SULF1: variants seen among roughly 807,000 people sequenced by gnomAD.
SULF1 encodes the protein sulfatase 1.
In SULF1, 46 loss-of-function variants were observed where a neutral mutation model predicts 110.5. The ratio of observed to expected loss-of-function variants is 0.42; its 90% CI spans 0.33 to 0.53. The LOEUF (loss-of-function observed/expected upper bound fraction) is 0.53. Among genes scored for constraint, SULF1 ranks in the 20% least tolerant of loss-of-function variants. SULF1 has a pLI of 0.12. For missense variants in SULF1, 941 were observed against 1,094.2 expected (o/e 0.86, Z 1.98); for synonymous variants, 371 against 387.1 (o/e 0.96, Z 0.49).
intron 13 of SULF1, among the ~76,000 whole-genome samples, chr8:69,618,746 A>C (rs1027910072): frequency 6.0e-4 from 92 of 152,188 alleles, no homozygotes; most frequent in Non-Finnish European, 1.6e-4. Context: ...AAATCATAGA[A>C]GAAGTCCTGT....
In SULF1 at chr8:69,517,411, A is replaced by G. The variant is rs1208738381; in HGVS notation, c.-134+15443A>G. Among the ~76,000 whole-genome samples, 3 of 152,352 alleles carry G rather than the reference A, an allele frequency of 2.0e-5. No homozygotes were observed. The South Asian group carries it at 6.2e-4, about 32-fold the overall frequency. On this transcript the variant is annotated intron_variant, in intron 3 of 22. Coordinates refer to ENST00000402687, the MANE Select transcript of SULF1 (RefSeq NM_001128205.2). ...CTTTCTCAGCTTTTGTAAGAAGAATAAAGAGTCCTTCTTTCCTTTTAAGCT... is the reference window on the plus strand; with the variant it reads ...CTTTCTCAGCTTTTGTAAGAAGAATGAAGAGTCCTTCTTTCCTTTTAAGCT...
chr8:69,587,953 A>G (rs1217780531), intron 7 of SULF1, among the ~76,000 whole-genome samples: 16 of 152,194 alleles, frequency 1.1e-4, no homozygotes, highest in Admixed American at 1.0e-3. Flanking sequence ...TAGCCTGTAG[A>G]CTTGCCCTAA....
At chr8:69,475,503 T>C (rs1295188560) in intron 1 of SULF1, among the ~76,000 whole-genome samples, 1 of 151,860 alleles carries the variant, frequency 6.6e-6, no homozygotes, top group Non-Finnish European at 1.5e-5. Context: ...TAAATAACAA[T>C]AATGCAACTT....
At chr8:69,598,413 A>G (rs1352755309) in intron 8 of SULF1, among the ~76,000 whole-genome samples, 2 of 151,988 alleles carry the variant, frequency 1.3e-5, no homozygotes, top group Non-Finnish European at 2.9e-5. Context: ...GTTTTTTGAG[A>G]TAGAGTCTCG....
chr8:69,576,494 C>A lies in SULF1; in HGVS notation c.412+285C>A, dbSNP rs552837908. Among the ~76,000 whole-genome samples the A allele has an allele frequency of 6.6e-5, 10 of 152,244 alleles. No homozygotes were observed. In the South Asian group the frequency reaches 2.1e-3, roughly 32 times the overall value. ...AATAGGATTTGGAAAGTTTCTTTAG[C>A]TTGTGGTTGTTTTTAGGTCTCAAAT... On this transcript the variant is annotated intron_variant, in intron 6 of 22. Coordinates refer to ENST00000402687, the MANE Select transcript of SULF1 (RefSeq NM_001128205.2).
At chr8:69,657,785 A>G (rs1050950521) in intron 22 of SULF1, among the ~76,000 whole-genome samples, 2 of 152,220 alleles carry the variant, frequency 1.3e-5, no homozygotes, top group Non-Finnish European at 2.9e-5. Context: ...AGGCACAACT[A>G]GAGAACAAGT....
At chr8:69,638,328 G>A in intron 19 of SULF1, 174 bp from the exon 20 acceptor site, 1 of 745,204 alleles carries the variant, frequency 1.3e-6, no homozygotes, top group Non-Finnish European at 2.1e-6. Context: ...TAGTTTCACA[G>A]CAAATTTACC....
intron 3 of SULF1, among the ~76,000 whole-genome samples, chr8:69,532,126 C>T (rs1162418570): frequency 2.0e-5 from 3 of 152,116 alleles, no homozygotes; most frequent in Non-Finnish European, 2.9e-5. Context: ...GAGAAACAAA[C>T]CTTCATGGCT....
intron 13 of SULF1, among the ~76,000 whole-genome samples, chr8:69,607,457 TGGGCTCA>T (rs1423031571): frequency 6.6e-6 from 1 of 152,184 alleles, no homozygotes; most frequent in Non-Finnish European, 1.5e-5. Flanking sequence ...CTCGCCCTCC[TGGGCTCA>T]GGTTATCCTC....
chr8:69,475,724 C>T (rs575482955), intron 1 of SULF1, among the ~76,000 whole-genome samples: 1 of 152,230 alleles, frequency 6.6e-6, no homozygotes, highest in East Asian at 1.9e-4. Context: ...ATAATGCAAA[C>T]ATATGTAAAT....
chr8:69,606,986 G>A (rs1383817213), intron 13 of SULF1, among the ~76,000 whole-genome samples: 1 of 152,256 alleles, frequency 6.6e-6, no homozygotes, highest in Non-Finnish European at 1.5e-5. Context: ...GTGAGCTTTA[G>A]AAGTGAAGAC....
intron 19 of SULF1, among the ~76,000 whole-genome samples, chr8:69,632,923 G>A (rs914427207): frequency 2.6e-5 from 4 of 151,906 alleles, no homozygotes; most frequent in African/African-American, 7.3e-5. Flanking sequence ...CTACTCGGGA[G>A]GCTGAGGTGG....
rs144404180 is a variant in SULF1, at chr8:69,596,226, G to A, written c.735-4377G>A. Among the ~76,000 whole-genome samples the A allele has an allele frequency of 6.4e-3, 971 of 152,298 alleles. 14 individuals are homozygous for A. Among genetic ancestry groups the A allele is most frequent in the African/African-American group, 0.022 (916 of 41,560 alleles). On this transcript the variant is annotated intron_variant, in intron 8 of 22. Coordinates refer to ENST00000402687, the MANE Select transcript of SULF1 (RefSeq NM_001128205.2). The stretch of plus-strand genomic sequence containing the variant: ...ATGTTTTCTTGGGGGTATAAGGTCT[G>A]GAGTGTGCAGTACTGGGTGAAGCCC...
chr8:69,579,074 T>G (rs1398263221), intron 6 of SULF1, among the ~76,000 whole-genome samples: 1 of 143,296 alleles, frequency 7.0e-6, no homozygotes, highest in Non-Finnish European at 1.5e-5. Context: ...GGCAGGAGAA[T>G]GGCGTGTACC....
At chr8:69,610,157 A>G (rs1808531442) in intron 13 of SULF1, among the ~76,000 whole-genome samples, 1 of 152,152 alleles carries the variant, frequency 6.6e-6, no homozygotes, top group Admixed American at 6.5e-5. Flanking sequence ...CTACTATTGG[A>G]TCAATATAAA....
At chr8:69,598,976 A>G (rs1807568774) in intron 8 of SULF1, among the ~76,000 whole-genome samples, 1 of 152,206 alleles carries the variant, frequency 6.6e-6, no homozygotes, top group Non-Finnish European at 1.5e-5. Context: ...TTCTACTATC[A>G]AAAGAGAGGT....
At position 69,627,378 on chromosome 8, in the gene SULF1, G is replaced by A. The variant is rs1223062789; in HGVS notation, c.1947+72G>A. On this transcript the variant is annotated intron_variant, in intron 16 of 22. Transcript: ENST00000402687. ...CGGCCTGCCAGCCCTGCTGTGTCTGGTGGGACATACCACAGATACACATCA... is the reference window on the plus strand; with the variant it reads ...CGGCCTGCCAGCCCTGCTGTGTCTGATGGGACATACCACAGATACACATCA... 4.5e-6 allele frequency: 5 copies of A among 1,104,418 alleles called. No individual in the cohort carries two copies. The African/African-American group carries it at 6.2e-5, about 14-fold the overall frequency. The allele number at this position is 1,104,418 out of a possible 1,614,324, so 68.4% of individuals were successfully genotyped here. A position where few individuals can be genotyped will look rare whatever the true frequency, so the allele number is the denominator to read the frequency against.
chr8:69,506,169 A>G (rs1249155258), intron 3 of SULF1, among the ~76,000 whole-genome samples: 1 of 152,102 alleles, frequency 6.6e-6, no homozygotes, highest in African/African-American at 2.4e-5. Context: ...ATTGTGTTCC[A>G]TTACATGGAT....
chr8:69,543,573 G>A (rs547639122), intron 3 of SULF1, among the ~76,000 whole-genome samples: 17 of 152,254 alleles, frequency 1.1e-4, no homozygotes, highest in East Asian at 1.9e-4. Context: ...TTATGGCTGC[G>A]TAGTATTCCA....
Sources: gnomAD v4.1 joint callset for allele counts (sites outside exome capture counted in the v4.1 genomes callset) on GRCh38, gnomAD v4.1.1 for gene constraint, MANE v1.5 for transcripts, NCBI Gene and HGNC (gene_info 2026-07-23, HGNC 2026-07-21) for gene names.